The following RALGPS1 variants were observed in gnomAD, a reference collection of about 807,000 sequenced individuals.
RALGPS1 encodes ras-specific guanine nucleotide-releasing factor RalGPS1.
Under a neutral mutation model 78.8 loss-of-function variants are expected in RALGPS1, and 19 were observed. That is an observed-to-expected ratio of 0.24 (90% CI 0.17 to 0.35). The LOEUF (loss-of-function observed/expected upper bound fraction) is 0.35, where lower values mean the gene tolerates loss of function less well. RALGPS1 is among the 10% of genes least tolerant of loss of function. The probability of loss-of-function intolerance (pLI) is 1.00; values close to 1 mark genes in which losing one functional copy is unlikely to be tolerated. For synonymous variants in RALGPS1, 228 were observed against 256.3 expected, an observed-to-expected ratio of 0.89 and a Z score of 1.06; for missense variants, 454 against 688.3, an observed-to-expected ratio of 0.66 and a Z score of 3.81.
intron 4 of RALGPS1, among the ~76,000 whole-genome samples, chr9:127,028,540 C>T (rs1439338923): frequency 2.0e-5 from 3 of 152,180 alleles, no homozygotes; most frequent in Non-Finnish European, 4.4e-5. Context: ...TGGCTCTCAT[C>T]CTGGCACCAT....
intron 6 of RALGPS1, 82 bp downstream of exon 6, chr9:127,050,214 T>A (rs1394133521): frequency 4.2e-6 from 5 of 1,181,476 alleles, no homozygotes; most frequent in Non-Finnish European, 5.0e-6. Flanking sequence ...CCTCAGTACT[T>A]TGGGAGCTGC....
chr9:127,010,812 T>G (rs1564411908), intron 4 of RALGPS1, among the ~76,000 whole-genome samples: 1 of 152,254 alleles, frequency 6.6e-6, no homozygotes. Context: ...GTGGGGACAC[T>G]TGGCCATTAG....
chr9:127,042,656 A>G (rs1415515125), intron 5 of RALGPS1, among the ~76,000 whole-genome samples: 1 of 152,230 alleles, frequency 6.6e-6, no homozygotes, highest in East Asian at 1.9e-4. Flanking sequence ...ATCTTACTGC[A>G]AGTCCTGGCT....
At chr9:127,188,084 C>T (rs1421467588) in intron 11 of RALGPS1, among the ~76,000 whole-genome samples, 9 of 104,106 alleles carry the variant, frequency 8.6e-5, no homozygotes, top group African/African-American at 1.2e-4. Flanking sequence ...TTTTTTTAGA[C>T]GGAGTCTCAC....
At chr9:127,180,196 G>T (rs2060129282) in intron 11 of RALGPS1, among the ~76,000 whole-genome samples, 1 of 152,214 alleles carries the variant, frequency 6.6e-6, no homozygotes, top group Admixed American at 6.5e-5. Flanking sequence ...GGCAAGTAAT[G>T]TTTGTGTGTA....
At chr9:126,934,750 G>GTGTC (rs1001226189) in intron 1 of RALGPS1, among the ~76,000 whole-genome samples, 5 of 151,936 alleles carry the variant, frequency 3.3e-5, no homozygotes, top group Non-Finnish European at 4.4e-5. Flanking sequence ...GTTCCCATTG[G>GTGTC]TGTCTGTTCC....
At chr9:126,997,680 A>G (rs1291760316) in intron 4 of RALGPS1, among the ~76,000 whole-genome samples, 1 of 152,242 alleles carries the variant, frequency 6.6e-6, no homozygotes, top group African/African-American at 2.4e-5. Context: ...TTAAAAGTTC[A>G]TATGGAACCA....
rs1258663923 is a variant in RALGPS1, at chr9:127,205,175, C to T, written c.1247+6109C>T. On this transcript the variant is annotated intron_variant, in intron 14 of 18. Transcript: ENST00000259351. The surrounding 1 kb of genome is among the most constrained non-coding windows in gnomAD (Gnocchi z 4.0). Reference sequence around the variant, plus strand: ...GCTCTGGACAGTTGGCCTATCTCTCCTGCATGAGACTCAGAGACACTGAGC... The same window carrying T: ...GCTCTGGACAGTTGGCCTATCTCTCTTGCATGAGACTCAGAGACACTGAGC... Among the ~76,000 whole-genome samples the T allele has an allele frequency of 2.6e-5, 4 of 152,234 alleles. No homozygotes were observed. The highest frequency in any genetic ancestry group is 1.3e-4 in the Admixed American group (2 of 15,286).
chr9:127,165,031 A>G (rs1173493404), intron 8 of RALGPS1, among the ~76,000 whole-genome samples: 1 of 152,050 alleles, frequency 6.6e-6, no homozygotes, highest in Non-Finnish European at 1.5e-5. Flanking sequence ...TATGCTATGT[A>G]TTGTTTGATG....
At chr9:127,173,463 G>A (rs1490908416) in intron 10 of RALGPS1, among the ~76,000 whole-genome samples, 2 of 152,172 alleles carry the variant, frequency 1.3e-5, no homozygotes, top group Non-Finnish European at 2.9e-5. Flanking sequence ...TGAAGTTCAT[G>A]GCTTTAAATT....
At chr9:127,093,639 CCT>C in intron 8 of RALGPS1, 7 of 1,463,608 alleles carry the variant, frequency 4.8e-6, no homozygotes, top group Non-Finnish European at 6.6e-6. Flanking sequence ...TCAGCATGTA[CCT>C]CTGAGTGGGC....
intron 3 of RALGPS1, among the ~76,000 whole-genome samples, chr9:126,968,130 G>C (rs1364621543): frequency 1.3e-5 from 2 of 151,434 alleles, no homozygotes; most frequent in African/African-American, 4.9e-5. Context: ...AGCCTCCCGA[G>C]TAGCTGGGAT....
At chr9:127,140,158 C>T (rs1380842516) in intron 8 of RALGPS1, among the ~76,000 whole-genome samples, 1 of 152,204 alleles carries the variant, frequency 6.6e-6, no homozygotes, top group Admixed American at 6.5e-5. Context: ...TTAGGGCCAA[C>T]TCCTCTTCTT....
intron 4 of RALGPS1, among the ~76,000 whole-genome samples, chr9:127,027,654 G>T (rs1356687862): frequency 1.3e-5 from 2 of 152,174 alleles, no homozygotes; most frequent in African/African-American, 2.4e-5. Context: ...GACCAGATGC[G>T]TATTCTCCCC....
chr9:127,132,968 G>A (rs2057111771), intron 8 of RALGPS1, among the ~76,000 whole-genome samples: 1 of 152,202 alleles, frequency 6.6e-6, no homozygotes, highest in African/African-American at 2.4e-5. Flanking sequence ...CTGCATGCTA[G>A]CTGTGTGCCC....
At chr9:126,944,361 A>C (rs1027100689) in intron 1 of RALGPS1, among the ~76,000 whole-genome samples, 1 of 152,160 alleles carries the variant, frequency 6.6e-6, no homozygotes, top group African/African-American at 2.4e-5. Flanking sequence ...TGCCTTTGGC[A>C]GGATCTAAGA....
At chr9:127,140,986 G>A (rs1217213175) in intron 8 of RALGPS1, among the ~76,000 whole-genome samples, 1 of 152,228 alleles carries the variant, frequency 6.6e-6, no homozygotes, top group Non-Finnish European at 1.5e-5. Flanking sequence ...TGAATAGCAG[G>A]GAGTTGGGGG....
chr9:127,152,327 TG>T (rs1382316958), intron 8 of RALGPS1, among the ~76,000 whole-genome samples: 1 of 152,224 alleles, frequency 6.6e-6, no homozygotes, highest in Non-Finnish European at 1.5e-5. Context: ...TACCCTTGAA[TG>T]TAATAAAATC....
chr9:126,959,885 C>T (rs2038715080), intron 1 of RALGPS1, among the ~76,000 whole-genome samples: 1 of 152,116 alleles, frequency 6.6e-6, no homozygotes. Flanking sequence ...TCAGTGGTAC[C>T]CTCTAAGATC....
Sources: gnomAD v4.1 joint callset for allele counts (sites outside exome capture counted in the v4.1 genomes callset) on GRCh38, gnomAD v4.1.1 for gene constraint, Gnocchi (gnomAD v3.1) non-coding constraint, MANE v1.5 for transcripts, NCBI Gene and HGNC (gene_info 2026-07-23, HGNC 2026-07-21) for gene names.